TLN2: variants seen among roughly 807,000 people sequenced by gnomAD.
TLN2 encodes the protein talin 2.
A neutral mutation model predicts 294.7 loss-of-function variants in TLN2; 118 were observed. The ratio of observed to expected loss-of-function variants is 0.40; its 90% CI spans 0.34 to 0.47. TLN2 has a LOEUF of 0.47. Ranked by LOEUF, TLN2 falls within the 20% of genes least tolerant of loss-of-function variation. The pLI is 0.84. For missense variants in TLN2, 3,083 were observed against 3,282.2 expected, an observed-to-expected ratio of 0.94 and a Z score of 1.48; for synonymous variants, 1,431 against 1,304.5, an observed-to-expected ratio of 1.10 and a Z score of -2.09.
chr15:62,729,902 C>T (rs2060626605), intron 28 of TLN2, among the ~76,000 whole-genome samples: 1 of 151,958 alleles, frequency 6.6e-6, no homozygotes, highest in South Asian at 2.1e-4. Context: ...GTTAGTTGTA[C>T]ATTCATTTAC....
intron 28 of TLN2, among the ~76,000 whole-genome samples, chr15:62,734,709 A>G (rs929034883): frequency 1.3e-5 from 2 of 152,212 alleles, no homozygotes; most frequent in African/African-American, 4.8e-5. Context: ...TAAATGATAG[A>G]TTGGCAGCTT....
chr15:62,783,891 G>A lies in TLN2; in HGVS notation c.5736+1G>A. On this transcript the variant is annotated splice_donor_variant, in intron 45 of 58. Coordinates refer to ENST00000636159, the MANE Select transcript of TLN2 (RefSeq NM_015059.3). LOFTEE classifies it high-confidence loss of function. The stretch of plus-strand genomic sequence containing the variant: ...AGCAGCCACGGCGGAACCAGAGGAG[G>A]TCTGCCACCTTAAGACCCCTATTTT... 1 of 1,613,900 alleles carries A rather than the reference G, an allele frequency of 6.2e-7. No individual in the cohort carries two copies. The highest frequency in any genetic ancestry group is 8.5e-7 in the Non-Finnish European group (1 of 1,179,976).
chr15:62,750,412 G>A lies in TLN2; in HGVS notation c.4130G>A (p.Gly1377Glu). ...NALRELETVK[G>E]MLDNPNEPVS... Reference sequence around the variant, plus strand: ...GTTCTTCTTCTGTAGACTGTGAAGGGGATGTTGGACAATCCTAATGAACCT... The same window carrying A: ...GTTCTTCTTCTGTAGACTGTGAAGGAGATGTTGGACAATCCTAATGAACCT... The change falls in exon 34 of 59, where the codon GGG becomes GAG. Residue 1377 changes from glycine (G) to glutamate (E), a missense_variant. Transcript: ENST00000636159. 7 of 1,614,058 alleles carry A rather than the reference G, an allele frequency of 4.3e-6. No homozygotes were observed. The highest frequency in any genetic ancestry group is 1.3e-5 in the African/African-American group (1 of 75,060).
chr15:62,491,069 C>T (rs934104308), intron 1 of TLN2, among the ~76,000 whole-genome samples: 28 of 152,286 alleles, frequency 1.8e-4, no homozygotes, highest in African/African-American at 6.5e-4. Context: ...CGCCTGTAAT[C>T]CCAGCACTGT....
At chr15:62,640,179 C>T (rs570642302) in intron 3 of TLN2, 1 of 455,986 alleles carries the variant, frequency 2.2e-6, no homozygotes, top group African/African-American at 2.0e-5. Context: ...AGCTACTTCT[C>T]TTCCTCTCTT....
intron 1 of TLN2, among the ~76,000 whole-genome samples, chr15:62,546,185 C>T (rs185527359): frequency 5.9e-5 from 9 of 152,272 alleles, no homozygotes; most frequent in East Asian, 1.9e-4. Flanking sequence ...CTACCTCTGA[C>T]GGGGGCTCTT....
chr15:62,567,664 G>A (rs753209264), intron 1 of TLN2, among the ~76,000 whole-genome samples: 5 of 152,084 alleles, frequency 3.3e-5, no homozygotes, highest in African/African-American at 1.2e-4. Flanking sequence ...GCAAAACCCC[G>A]TGTCTACTAA....
intron 6 of TLN2, among the ~76,000 whole-genome samples, chr15:62,652,650 A>T (rs1201386254): frequency 6.6e-6 from 1 of 152,152 alleles, no homozygotes; most frequent in Non-Finnish European, 1.5e-5. Flanking sequence ...TTCTTGTTTG[A>T]CACTGTCTTG....
chr15:62,743,470 C>T (rs16945614), intron 32 of TLN2, among the ~76,000 whole-genome samples: 12,765 of 152,078 alleles, frequency 0.084, 791 homozygotes, highest in Admixed American at 0.21. Flanking sequence ...AGCCTGGGTA[C>T]GTTTTTGGGA....
chr15:62,532,248 G>A (rs538471043), intron 1 of TLN2, among the ~76,000 whole-genome samples: 2 of 151,528 alleles, frequency 1.3e-5, no homozygotes, highest in South Asian at 4.2e-4. Flanking sequence ...GGGTTTCTTG[G>A]TTTTTTTGTT....
rs2069061612 is a variant in TLN2, at chr15:62,833,204, C to G, written c.7003-300C>G. On this transcript the variant is annotated intron_variant, in intron 54 of 58. Transcript: ENST00000636159. The stretch of plus-strand genomic sequence containing the variant: ...TTTGTGTTATATATATTGTACCACA[C>G]ATACAAAGAAAACTATTGCTGTGCC... 1.3e-5 allele frequency: 4 copies of G among 315,664 alleles called. No individual in the cohort carries two copies. The Admixed American group carries it at 1.4e-4, about 11-fold the overall frequency. The allele number at this position is 315,664 out of a possible 1,614,324, so 19.6% of individuals were successfully genotyped here.
In TLN2 at chr15:62,653,367, C is replaced by G. The variant is rs1032219399; in HGVS notation, c.517+53C>G. On this transcript the variant is annotated intron_variant, in intron 7 of 58. Transcript: ENST00000636159. Reference sequence around the variant, plus strand: ...CAGACACACAGGCTTTGCTAAGCCTCACTTCCCTCCCACCATCCATATGAC... The same window carrying G: ...CAGACACACAGGCTTTGCTAAGCCTGACTTCCCTCCCACCATCCATATGAC... The G allele has an allele frequency of 5.8e-6, 9 of 1,544,884 alleles. No homozygotes were observed. In the African/African-American group the frequency reaches 1.3e-4, roughly 21 times the overall value.
intron 9 of TLN2, among the ~76,000 whole-genome samples, chr15:62,662,860 G>T (rs1264486044): frequency 1.7e-5 from 2 of 116,154 alleles, no homozygotes; most frequent in Middle Eastern, 0.016. Flanking sequence ...GTCTTGCTCT[G>T]TCGCCCAGGC....
rs114482859 is a variant in TLN2, at chr15:62,735,035, G to A, written c.3359-1843G>A. 5.9e-3 allele frequency among the ~76,000 whole-genome samples: 892 copies of A among 152,288 alleles called. 7 individuals carry two copies. The highest frequency in any genetic ancestry group is 9.6e-3 in the African/African-American group (400 of 41,562). ...AGACACTGATTTGCGTATTTTTCAC[G>A]TAGATCTTATATGTTCTAACAGAAA... On this transcript the variant is annotated intron_variant, in intron 28 of 58. Transcript: ENST00000636159.
At chr15:62,689,846 CTTTTTTTTTTTTTTTTTTT>C (rs1158144919) in intron 12 of TLN2, among the ~76,000 whole-genome samples, 2 of 15,398 alleles carry the variant, frequency 1.3e-4, no homozygotes, top group Non-Finnish European at 1.5e-4. Flanking sequence ...GTATGGGCTT[CTTTTTTTTTTTTTTTTTTT>C]TTTTTTTTTT....
At chr15:62,838,413 G>A (rs2070068315) in intron 57 of TLN2, among the ~76,000 whole-genome samples, 1 of 152,234 alleles carries the variant, frequency 6.6e-6, no homozygotes, top group African/African-American at 2.4e-5. Context: ...GAGGGAGAGG[G>A]TATGGGTAGA....
chr15:62,823,832 A>G, intron 54 of TLN2: 1 of 410,986 alleles, frequency 2.4e-6, no homozygotes, highest in Admixed American at 3.5e-5. Flanking sequence ...CCGTTTCCAC[A>G]TCTGCAGGCA....
chr15:62,805,040 C>T (rs1346016251), intron 50 of TLN2, among the ~76,000 whole-genome samples: 1 of 152,174 alleles, frequency 6.6e-6, no homozygotes. Flanking sequence ...TTCACAGTGT[C>T]ACCATGGCGC....
At chr15:62,492,449 C>T (rs1186267956) in intron 1 of TLN2, among the ~76,000 whole-genome samples, 1 of 151,304 alleles carries the variant, frequency 6.6e-6, no homozygotes, top group Non-Finnish European at 1.5e-5. Flanking sequence ...ATCTCAGCTA[C>T]TCCAAGGCTG....
Sources: allele counts gnomAD v4.1 joint callset (sites outside exome capture counted in the v4.1 genomes callset), GRCh38; gene constraint gnomAD v4.1.1; transcripts MANE v1.5; gene names NCBI Gene and HGNC (gene_info 2026-07-23, HGNC 2026-07-21).